The following MAPKAP1 variants were observed in gnomAD, a reference collection of about 807,000 sequenced individuals.
The protein encoded by MAPKAP1 is MAPK associated protein 1.
MAPKAP1 carries 20 observed loss-of-function variants against 65.7 expected under a neutral mutation model. The ratio of observed to expected loss-of-function variants is 0.30; its 90% CI spans 0.21 to 0.44. The LOEUF (loss-of-function observed/expected upper bound fraction) is 0.44, where lower values mean the gene tolerates loss of function less well. MAPKAP1 is among the 20% of genes least tolerant of loss of function. The pLI is 1.00. For missense variants in MAPKAP1, 423 were observed against 648.0 expected (o/e 0.65, Z 3.77); for synonymous variants, 222 against 244.3 (o/e 0.91, Z 0.85).
chr9:125,518,211 T>C (rs1482311110), intron 7 of MAPKAP1, among the ~76,000 whole-genome samples: 1 of 152,214 alleles, frequency 6.6e-6, no homozygotes, highest in Non-Finnish European at 1.5e-5. Flanking sequence ...AACCTAAACA[T>C]TTACCAGTAG....
intron 5 of MAPKAP1, among the ~76,000 whole-genome samples, chr9:125,570,641 A>T (rs1298850998): frequency 6.6e-6 from 1 of 152,132 alleles, no homozygotes; most frequent in East Asian, 1.9e-4. Flanking sequence ...TTTTACATGC[A>T]ATGTGTAAAG....
At chr9:125,690,182 T>A (rs370257422) in intron 1 of MAPKAP1, among the ~76,000 whole-genome samples, 1 of 151,990 alleles carries the variant, frequency 6.6e-6, no homozygotes, top group African/African-American at 2.4e-5. Flanking sequence ...AAGATCACAA[T>A]AATGGAAGAA....
Position 125,438,586 on chromosome 9 carries a change from C to T in MAPKAP1, c.*301G>A, listed in dbSNP as rs774576449. On this transcript the variant is annotated 3_prime_UTR_variant, in exon 12 of 12. Transcript: ENST00000265960. ...GTGTGGGCACGGCTCTGTACATCCT[C>T]GGGCAGGGTGGCAGGCATTGAAGGT... 7.4e-4 allele frequency: 339 copies of T among 459,458 alleles called. 1 individual carries two copies. Among genetic ancestry groups the T allele is most frequent in the East Asian group, 3.9e-4 (12 of 30,548 alleles). 28.5% of individuals were successfully genotyped at this position (459,458 alleles called of 1,614,324 possible).
At chr9:125,565,819 G>C (rs2131523015) in intron 5 of MAPKAP1, 2 of 348,368 alleles carry the variant, frequency 5.7e-6, no homozygotes, top group South Asian at 2.5e-5. Context: ...TAATACACTT[G>C]AAGTGCTTAG....
chr9:125,466,085 A>T (rs1482245341), intron 10 of MAPKAP1, among the ~76,000 whole-genome samples: 1 of 152,212 alleles, frequency 6.6e-6, no homozygotes, highest in African/African-American at 2.4e-5. Flanking sequence ...AGCCTATTTC[A>T]AATTTTTCTT....
intron 5 of MAPKAP1, among the ~76,000 whole-genome samples, chr9:125,569,707 C>T (rs183365808): frequency 1.4e-3 from 210 of 152,302 alleles, no homozygotes; most frequent in African/African-American, 4.9e-3. Flanking sequence ...AAGGACTCCA[C>T]CCTAAAGCCA....
intron 8 of MAPKAP1, among the ~76,000 whole-genome samples, chr9:125,505,726 G>A (rs1305951840): frequency 1.3e-5 from 2 of 152,182 alleles, no homozygotes; most frequent in African/African-American, 4.8e-5. Flanking sequence ...TAAAAGCCTC[G>A]AAGCAGGAAT....
At chr9:125,484,886 A>G (rs1445887885) in intron 8 of MAPKAP1, among the ~76,000 whole-genome samples, 1 of 152,190 alleles carries the variant, frequency 6.6e-6, no homozygotes, top group African/African-American at 2.4e-5. Context: ...CAAAAGCACA[A>G]GAGCTTGGGT....
chr9:125,522,568 T>C (rs1829650984), intron 7 of MAPKAP1, among the ~76,000 whole-genome samples: 1 of 152,186 alleles, frequency 6.6e-6, no homozygotes. Flanking sequence ...CTGCAGACTC[T>C]ACCCACTTAA....
intron 3 of MAPKAP1, among the ~76,000 whole-genome samples, chr9:125,663,988 T>C (rs1230003057): frequency 2.0e-5 from 3 of 152,196 alleles, no homozygotes; most frequent in African/African-American, 7.2e-5. Flanking sequence ...TCAGAACTTA[T>C]GCATGGAACA....
At chr9:125,588,381 C>T (rs1447828279) in intron 4 of MAPKAP1, among the ~76,000 whole-genome samples, 2 of 152,010 alleles carry the variant, frequency 1.3e-5, no homozygotes, top group Non-Finnish European at 1.5e-5. Flanking sequence ...AGTAGATTAG[C>T]GGTTGGCAGA....
chr9:125,465,702 T>C (rs1046572861), intron 10 of MAPKAP1, among the ~76,000 whole-genome samples: 1 of 152,206 alleles, frequency 6.6e-6, no homozygotes, highest in Non-Finnish European at 1.5e-5. Flanking sequence ...TTGGGTCAGT[T>C]AGTTCACTAT....
intron 1 of MAPKAP1, among the ~76,000 whole-genome samples, chr9:125,698,277 TA>T (rs1321753926): frequency 1.0e-4 from 4 of 39,970 alleles, no homozygotes; most frequent in African/African-American, 1.7e-4. Flanking sequence ...ATATAATACA[TA>T]ATATATATAA....
At chr9:125,542,054 ATCTC>A (rs557419183) in intron 7 of MAPKAP1, among the ~76,000 whole-genome samples, 8 of 151,244 alleles carry the variant, frequency 5.3e-5, no homozygotes, top group Non-Finnish European at 3.0e-5. Flanking sequence ...CCCTACCAGC[ATCTC>A]TCTCTCTCTC....
At chr9:125,612,341 T>C (rs1018921275) in intron 4 of MAPKAP1, among the ~76,000 whole-genome samples, 1 of 152,246 alleles carries the variant, frequency 6.6e-6, no homozygotes, top group African/African-American at 2.4e-5. Context: ...TTAATGGGCA[T>C]ACAGCCATGC....
At chr9:125,668,398 G>T (rs1044951831) in intron 3 of MAPKAP1, among the ~76,000 whole-genome samples, 1 of 152,202 alleles carries the variant, frequency 6.6e-6, no homozygotes, top group African/African-American at 2.4e-5. Context: ...ACGAGGTAGA[G>T]GCTGCTATTA....
chr9:125,559,434 C>T, intron 6 of MAPKAP1, 199 bp downstream of exon 6: 1 of 478,436 alleles, frequency 2.1e-6, no homozygotes, highest in South Asian at 3.4e-5. Flanking sequence ...CACTGCAAAG[C>T]AGTCTGCGTA....
chr9:125,597,397 C>T lies in MAPKAP1; in HGVS notation c.499-11670G>A, dbSNP rs368910096. On this transcript the variant is annotated intron_variant, in intron 4 of 11. Transcript: ENST00000265960. ...GAGGCTGCAGTGAGCTATGATTGAGCCCCCTGCCCTTTGGCCTGGGCAACA... is the reference window on the plus strand; with the variant it reads ...GAGGCTGCAGTGAGCTATGATTGAGTCCCCTGCCCTTTGGCCTGGGCAACA... 1.1e-4 allele frequency among the ~76,000 whole-genome samples: 16 copies of T among 151,934 alleles called. No homozygotes were observed. In the South Asian group the frequency reaches 1.7e-3, roughly 16 times the overall value.
chr9:125,553,177 G>A (rs1387877934), intron 6 of MAPKAP1, among the ~76,000 whole-genome samples: 1 of 152,108 alleles, frequency 6.6e-6, no homozygotes, highest in African/African-American at 2.4e-5. Context: ...GGAGCCCTGA[G>A]CCACTGCCTA....
Sources: gnomAD v4.1 joint callset for allele counts (sites outside exome capture counted in the v4.1 genomes callset) on GRCh38, gnomAD v4.1.1 for gene constraint, MANE v1.5 for transcripts, NCBI Gene and HGNC (gene_info 2026-07-23, HGNC 2026-07-21) for gene names.